The following YIPF6 variants were observed in gnomAD, a reference collection of about 807,000 sequenced individuals.
YIPF6 encodes Yip1 domain family member 6.
In YIPF6, 3 loss-of-function variants were observed where a neutral mutation model predicts 16.8. The observed-to-expected ratio is 0.18, with a 90% CI of 0.08 to 0.46. YIPF6 has a LOEUF of 0.46. Among genes scored for constraint, YIPF6 ranks in the 20% least tolerant of loss-of-function variants. The pLI is 0.98. For synonymous variants in YIPF6, 67 were observed against 61.9 expected (o/e 1.08, Z -0.38); for missense variants, 145 against 184.9 (o/e 0.78, Z 1.25).
chrX:68,535,191 G>C lies in YIPF6; in HGVS notation c.*3192G>C, dbSNP rs2079186818. The C allele has an allele frequency of 8.9e-6, 1 of 112,364 alleles. No individual in the cohort carries two copies. The highest frequency in any genetic ancestry group is 9.4e-5 in the Admixed American group (1 of 10,606). The allele number at this position is 112,364 out of a possible 1,213,427, so 9.3% of individuals were successfully genotyped here. ...TTTTCCTGTTGTTGGGCAAGGTGGG[G>C]TCACAGGACATGGGACTAGTAAGCA... On this transcript the variant is annotated 3_prime_UTR_variant, in exon 7 of 7. Transcript: ENST00000462683.
Position 68,522,614 on chromosome X carries a change from G to T in YIPF6, c.435-146G>T, listed in dbSNP as rs1026011463. 2.1e-5 allele frequency: 12 copies of T among 583,331 alleles called. No individual in the cohort carries two copies. The African/African-American group carries it at 2.8e-4, about 14-fold the overall frequency. 48.1% of individuals were successfully genotyped at this position (583,331 alleles called of 1,213,427 possible). On this transcript the variant is annotated intron_variant, in intron 5 of 6. Transcript: ENST00000462683. ...AGCCATCGCGCCCAGCCAAAAGCAT[G>T]TACTTAATAATTAATGTTAGGATGT...
At chrX:68,514,238 A>AT (rs1393538562) in intron 3 of YIPF6, 67 of 100,000 alleles carry the variant, frequency 6.7e-4, no homozygotes, top group Non-Finnish European at 8.8e-4. Context: ...AAAAAAAAAA[A>AT]AATATATATA....
chrX:68,499,383 C>T (rs754378304), intron 1 of YIPF6, among the ~76,000 whole-genome samples: 6 of 112,257 alleles, frequency 5.3e-5, no homozygotes, highest in African/African-American at 1.9e-4. Flanking sequence ...TCGTCATCGT[C>T]CCCTACATTG....
At chrX:68,499,186 G>A (rs1602446285) in intron 1 of YIPF6, 63 bp downstream of exon 1, 1 of 1,127,639 alleles carries the variant, frequency 8.9e-7, no homozygotes, top group Non-Finnish European at 1.2e-6. Context: ...TAAAGAAGTC[G>A]GGGGACGGGC....
At chrX:68,528,213 A>G (rs1365655493) in intron 6 of YIPF6, among the ~76,000 whole-genome samples, 1 of 111,684 alleles carries the variant, frequency 9.0e-6, no homozygotes, top group African/African-American at 3.3e-5. Context: ...TTCTTGTTGC[A>G]TTGATCCCTT....
rs900000774 is a variant in YIPF6 at position 68,532,162 on chromosome X, T to A, written c.*163T>A. 4.9e-6 allele frequency: 2 copies of A among 405,460 alleles called. No homozygotes were observed. The highest frequency in any genetic ancestry group is 9.2e-5 in the Admixed American group (2 of 21,819). The allele number at this position is 405,460 out of a possible 1,213,427, so 33.4% of individuals were successfully genotyped here. A position where few individuals can be genotyped will look rare whatever the true frequency, so the allele number is the denominator to read the frequency against. ...GGAGCCATATAGCACTGTCACCCCT[T>A]ATTTGAGGAACTGATGTTTGAAAGG... On this transcript the variant is annotated 3_prime_UTR_variant, in exon 7 of 7. Coordinates refer to ENST00000462683, the MANE Select transcript of YIPF6 (RefSeq NM_173834.4).
chrX:68,509,485 G>T (rs2079072089), intron 1 of YIPF6, among the ~76,000 whole-genome samples: 1 of 111,445 alleles, frequency 9.0e-6, no homozygotes, highest in Non-Finnish European at 1.9e-5. Context: ...CTCATGGTGA[G>T]TCTCTTTCTA....
In YIPF6 at chrX:68,518,889, T is replaced by C; in HGVS notation, c.308+77T>C. On this transcript the variant is annotated intron_variant, in intron 4 of 6. Coordinates refer to ENST00000462683, the MANE Select transcript of YIPF6 (RefSeq NM_173834.4). ...TGTGGATTTCCAAAATTGTGGGGGA[T>C]TTTGATTGAATATTTCATTTAGGAC... 3 of 977,263 alleles carry C rather than the reference T, an allele frequency of 3.1e-6. No homozygotes were observed. In the South Asian group the frequency reaches 7.5e-5, roughly 25 times the overall value. The allele number at this position is 977,263 out of a possible 1,213,427, so 80.5% of individuals were successfully genotyped here.
rs919599918 is a variant in YIPF6 at position 68,499,235 on chromosome X, C to A, written c.57+112C>A. ...GCCGGAGCTCCTTCCGCCCGGCAGG[C>A]CCTTCTTGTACCCGATGCCAGAACC... is the stretch of plus-strand genomic sequence containing the variant. On this transcript the variant is annotated intron_variant, in intron 1 of 6. Coordinates refer to ENST00000462683, the MANE Select transcript of YIPF6 (RefSeq NM_173834.4). 7 of 969,696 alleles carry A rather than the reference C, an allele frequency of 7.2e-6. No individual in the cohort carries two copies. The East Asian group carries it at 1.1e-4, about 15-fold the overall frequency. The allele number at this position is 969,696 out of a possible 1,213,427, so 79.9% of individuals were successfully genotyped here.
intron 1 of YIPF6, 139 bp downstream of exon 1, chrX:68,499,262 G>A: frequency 1.3e-6 from 1 of 778,077 alleles, no homozygotes; most frequent in Non-Finnish European, 1.8e-6. Context: ...GCCAGAACCA[G>A]TCCCAACACT....
intron 6 of YIPF6, among the ~76,000 whole-genome samples, chrX:68,526,152 T>A (rs1263117702): frequency 8.9e-6 from 1 of 111,836 alleles, no homozygotes; most frequent in East Asian, 2.8e-4. Flanking sequence ...GTGTTCTCTC[T>A]TATGTCCTTG....
intron 1 of YIPF6, among the ~76,000 whole-genome samples, chrX:68,507,333 A>T (rs577168673): frequency 1.8e-5 from 2 of 112,238 alleles, no homozygotes; most frequent in African/African-American, 6.5e-5. Flanking sequence ...TGTAAATCCA[A>T]GTTTCCTTCT....
At chrX:68,522,137 A>G (rs916010466) in intron 5 of YIPF6, among the ~76,000 whole-genome samples, 22 of 110,491 alleles carry the variant, frequency 2.0e-4, no homozygotes, top group African/African-American at 7.3e-4. Context: ...TCTCAAGTAT[A>G]ATAGGTCTAT....
chrX:68,503,287 T>C (rs2079047490), intron 1 of YIPF6, among the ~76,000 whole-genome samples: 1 of 112,146 alleles, frequency 8.9e-6, no homozygotes, highest in Non-Finnish European at 1.9e-5. Flanking sequence ...TCCCTGCTTT[T>C]ATTGTGTGTT....
intron 6 of YIPF6, among the ~76,000 whole-genome samples, chrX:68,528,179 A>G (rs2079156926): frequency 9.0e-6 from 1 of 111,585 alleles, no homozygotes; most frequent in African/African-American, 3.3e-5. Context: ...TATTGGGTGC[A>G]TATATATTTA....
At chrX:68,507,320 T>A (rs1055088960) in intron 1 of YIPF6, among the ~76,000 whole-genome samples, 1 of 112,468 alleles carries the variant, frequency 8.9e-6, no homozygotes, top group African/African-American at 3.2e-5. Flanking sequence ...GATCATTTAT[T>A]TATGTAAATC....
At chrX:68,527,021 A>G (rs186448250) in intron 6 of YIPF6, among the ~76,000 whole-genome samples, 26 of 111,806 alleles carry the variant, frequency 2.3e-4, no homozygotes, top group South Asian at 1.1e-3. Context: ...CTCTTCTTCT[A>G]TTGTTTGGAA....
At chrX:68,526,497 G>T (rs1325133101) in intron 6 of YIPF6, among the ~76,000 whole-genome samples, 1 of 111,200 alleles carries the variant, frequency 9.0e-6, no homozygotes, top group East Asian at 2.8e-4. Flanking sequence ...TGATTTCCCT[G>T]GCCAGACTTT....
intron 3 of YIPF6, among the ~76,000 whole-genome samples, chrX:68,517,638 G>A (rs953743674): frequency 3.6e-5 from 4 of 112,239 alleles, no homozygotes; most frequent in African/African-American, 9.7e-5. Flanking sequence ...TAAAAGGGAA[G>A]CAGTATGACA....
Sources: gnomAD v4.1 joint callset for allele counts (sites outside exome capture counted in the v4.1 genomes callset) on GRCh38, gnomAD v4.1.1 for gene constraint, MANE v1.5 for transcripts, NCBI Gene and HGNC (gene_info 2026-07-23, HGNC 2026-07-21) for gene names.